MAGI1: variants seen among roughly 807,000 people sequenced by gnomAD.
The protein encoded by MAGI1 is membrane associated guanylate kinase, WW and PDZ domain containing 1.
Under a neutral mutation model 139.9 loss-of-function variants are expected in MAGI1, and 58 were observed. The observed-to-expected ratio is 0.41, with a 90% confidence interval of 0.34 to 0.52. The LOEUF is 0.52. Among genes scored for constraint, MAGI1 ranks in the 20% least tolerant of loss-of-function variants. The probability of loss-of-function intolerance (pLI) is 0.12; values close to 1 mark genes in which losing one functional copy is unlikely to be tolerated. For missense variants in MAGI1, 1,874 were observed against 1,901.6 expected (o/e 0.99, Z 0.27); for synonymous variants, 812 against 737.9 (o/e 1.10, Z -1.63).
intron 1 of MAGI1, among the ~76,000 whole-genome samples, chr3:65,629,535 T>C (rs1342057522): frequency 6.7e-6 from 1 of 148,612 alleles, no homozygotes; most frequent in African/African-American, 2.5e-5. Flanking sequence ...CAACAAATGG[T>C]ATGTACTGCA....
intron 1 of MAGI1, among the ~76,000 whole-genome samples, chr3:65,952,168 A>G (rs2063893717): frequency 6.6e-6 from 1 of 152,116 alleles, no homozygotes; most frequent in Admixed American, 6.5e-5. Flanking sequence ...TCTCTGACAG[A>G]CTTTTTGGGG....
intron 5 of MAGI1, among the ~76,000 whole-genome samples, chr3:65,462,306 G>A (rs1331456913): frequency 6.6e-6 from 1 of 152,162 alleles, no homozygotes; most frequent in East Asian, 1.9e-4. Context: ...TAAGGTGTAA[G>A]TAAGAGATCC....
chr3:65,820,563 C>G (rs114540148), intron 1 of MAGI1, among the ~76,000 whole-genome samples: 4,211 of 152,232 alleles, frequency 0.028, 102 homozygotes, highest in Middle Eastern at 0.044. Flanking sequence ...GGTGTCACAA[C>G]TCCCTAGAAT....
intron 1 of MAGI1, among the ~76,000 whole-genome samples, chr3:65,896,021 T>A (rs572653815): frequency 6.6e-6 from 1 of 152,236 alleles, no homozygotes; most frequent in Admixed American, 6.5e-5. Flanking sequence ...ATTGCATCTC[T>A]GTAAACCTCA....
chr3:65,799,351 T>G (rs2040366171), intron 1 of MAGI1, among the ~76,000 whole-genome samples: 1 of 152,196 alleles, frequency 6.6e-6, no homozygotes, highest in African/African-American at 2.4e-5. Flanking sequence ...GCACCGAGCC[T>G]ATACAAAGAC....
At chr3:65,482,874 G>C (rs946308055) in intron 3 of MAGI1, among the ~76,000 whole-genome samples, 4 of 152,198 alleles carry the variant, frequency 2.6e-5, no homozygotes, top group African/African-American at 9.6e-5. Context: ...ATCTCTTATA[G>C]AGGATGTTGA....
Position 65,622,046 on chromosome 3 carries a change from C to G in MAGI1, c.356G>C (p.Arg119Pro). 6.2e-7 allele frequency: 1 copy of G among 1,614,060 alleles called. No individual in the cohort carries two copies. Among genetic ancestry groups the G allele is most frequent in the Non-Finnish European group, 8.5e-7 (1 of 1,179,994 alleles). ...NKDLRHFLNQ[R>P]FQKGSPDHEL... ...ATGATCAGGAGACCCCTTCTGGAAT[C>G]GCTGATTGAGAAAATGTCGCAGGTC... is the stretch of plus-strand genomic sequence containing the variant. The change falls in exon 2 of 23, where the codon CGA becomes CCA. Residue 119 changes from arginine to proline, a missense_variant. By Grantham distance (103) the Arg-to-Pro change is moderately radical. Coordinates refer to ENST00000402939, the MANE Select transcript of MAGI1 (RefSeq NM_001033057.2).
At chr3:65,391,932 G>A (rs1353965280) in intron 13 of MAGI1, among the ~76,000 whole-genome samples, 1 of 152,058 alleles carries the variant, frequency 6.6e-6, no homozygotes, top group Non-Finnish European at 1.5e-5. Flanking sequence ...GGTATTTCTA[G>A]GTGTAGAAAT....
chr3:65,811,237 C>T (rs1322908195), intron 1 of MAGI1, among the ~76,000 whole-genome samples: 2 of 152,186 alleles, frequency 1.3e-5, no homozygotes, highest in Admixed American at 6.5e-5. Flanking sequence ...GTGATAGCAA[C>T]GTCTTATCAC....
intron 3 of MAGI1, among the ~76,000 whole-genome samples, chr3:65,487,637 G>C (rs980577026): frequency 1.3e-5 from 2 of 152,176 alleles, no homozygotes; most frequent in African/African-American, 4.8e-5. Flanking sequence ...AGAGAATTCT[G>C]AAGGTTACTG....
rs1042516427 is a variant in MAGI1, at chr3:65,917,410, C to A, written c.313+120586G>T. ...TTTGGCAGTTTCTTATAAAACTAAA[C>A]ATAATCTTACCACACAATCTAGCTA... On this transcript the variant is annotated intron_variant, in intron 1 of 22. Coordinates refer to ENST00000402939, the MANE Select transcript of MAGI1 (RefSeq NM_001033057.2). Among the ~76,000 whole-genome samples, 2 of 152,164 alleles carry A rather than the reference C, an allele frequency of 1.3e-5. 1 individual carries two copies. The highest frequency in any genetic ancestry group is 2.9e-5 in the Non-Finnish European group (2 of 68,032).
chr3:65,751,671 C>A (rs1380748679), intron 1 of MAGI1, among the ~76,000 whole-genome samples: 3 of 152,100 alleles, frequency 2.0e-5, no homozygotes, highest in African/African-American at 7.2e-5. Context: ...ATCACTGAGT[C>A]AAATGTGGGC....
Position 65,926,103 on chromosome 3 carries a change from A to C in MAGI1, c.313+111893T>G, listed in dbSNP as rs576124298. On this transcript the variant is annotated intron_variant, in intron 1 of 22. Transcript: ENST00000402939. Reference sequence around the variant, plus strand: ...CTCAAGATCACACAACTAGTAAAAGAAAAATTCAAATCAAAATCATTTCTG... The same window carrying C: ...CTCAAGATCACACAACTAGTAAAAGCAAAATTCAAATCAAAATCATTTCTG... Among the ~76,000 whole-genome samples the C allele has an allele frequency of 3.9e-5, 6 of 152,376 alleles. No homozygotes were observed. The South Asian group carries it at 1.0e-3, about 26-fold the overall frequency.
chr3:65,419,825 A>G (rs1946511315), intron 12 of MAGI1, among the ~76,000 whole-genome samples: 1 of 152,100 alleles, frequency 6.6e-6, no homozygotes, highest in Non-Finnish European at 1.5e-5. Context: ...GTTCCTTTAC[A>G]TATCGCCTGC....
chr3:65,493,697 G>C, intron 2 of MAGI1, 66 bp from the exon 3 acceptor site: 1 of 1,594,014 alleles, frequency 6.3e-7, no homozygotes, highest in African/African-American at 1.3e-5. Flanking sequence ...TCCACATCCA[G>C]GTGTAATTAA....
rs1267236442 is a variant in MAGI1 at position 65,564,577 on chromosome 3, A to AAAAT, written c.430+57391_430+57394dup. 1.9e-4 allele frequency among the ~76,000 whole-genome samples: 29 copies of AAAAT among 152,222 alleles called. 1 individual carries two copies. Among genetic ancestry groups the AAAAT allele is most frequent in the Admixed American group, 1.8e-3 (28 of 15,284 alleles). ...TACAATAGTAACAACATGAAGACCA[A>AAAAT]AAATAAATAAATAAATAAGTAAAAA... On this transcript the variant is annotated intron_variant, in intron 2 of 22. Transcript: ENST00000402939.
chr3:65,485,790 A>C (rs1951588429), intron 3 of MAGI1, among the ~76,000 whole-genome samples: 1 of 152,240 alleles, frequency 6.6e-6, no homozygotes, highest in South Asian at 2.1e-4. Flanking sequence ...AAAGAAACTG[A>C]TATTTACACA....
intron 18 of MAGI1, 55 bp from the exon 19 acceptor site, chr3:65,365,001 A>T: frequency 4.9e-6 from 7 of 1,430,400 alleles, no homozygotes; most frequent in Non-Finnish European, 6.9e-6. Context: ...GACATCCTCC[A>T]GCCAGGAGGT....
intron 1 of MAGI1, among the ~76,000 whole-genome samples, chr3:65,973,010 T>A (rs188883250): frequency 6.6e-6 from 1 of 152,054 alleles, no homozygotes; most frequent in East Asian, 1.9e-4. Flanking sequence ...GCAGTCCAGG[T>A]GTGGTGGCTC....
Sources: allele counts gnomAD v4.1 joint callset (sites outside exome capture counted in the v4.1 genomes callset), GRCh38; gene constraint gnomAD v4.1.1; transcripts MANE v1.5; gene names NCBI Gene and HGNC (gene_info 2026-07-23, HGNC 2026-07-21).